The following CSNK1G2 variants were observed in gnomAD, a reference collection of about 807,000 sequenced individuals.
The protein encoded by CSNK1G2 is casein kinase I isoform gamma-2.
In CSNK1G2, 11 loss-of-function variants were observed where a neutral mutation model predicts 48.0. That is an observed-to-expected ratio of 0.23 (90% CI 0.14 to 0.38). CSNK1G2 has a LOEUF of 0.38. Among genes scored for constraint, CSNK1G2 ranks in the 10% least tolerant of loss-of-function variants. The pLI, the probability that CSNK1G2 is intolerant of heterozygous loss-of-function variation, is 1.00. For synonymous variants in CSNK1G2, 337 were observed against 254.1 expected, an observed-to-expected ratio of 1.33 and a Z score of -3.10; for missense variants, 446 against 595.5, an observed-to-expected ratio of 0.75 and a Z score of 2.61.
At chr19:1,955,765 G>A (rs985948583) in intron 1 of CSNK1G2, among the ~76,000 whole-genome samples, 7 of 152,184 alleles carry the variant, frequency 4.6e-5, no homozygotes, top group Admixed American at 4.6e-4. Flanking sequence ...GCTGCTGCTC[G>A]GCTCCGGGCT....
chr19:1,979,596 A>C lies in CSNK1G2; in HGVS notation c.955A>C (p.Ser319Arg). ...GCTCTTCACCGACCTCTTCGACCGC[A>C]GTGGCTTCGTGTTCGACTATGAGTA... ...RKLFTDLFDR[S>R]GFVFDYEYDW... The change falls in exon 9 of 12, where the codon AGT becomes CGT. Residue 319 changes from serine to arginine, a missense_variant. By Grantham distance (110) the Ser-to-Arg change is moderately radical (BLOSUM62 -1). Transcript: ENST00000255641. 1.2e-6 allele frequency: 2 copies of C among 1,607,284 alleles called. No homozygotes were observed. Among genetic ancestry groups the C allele is most frequent in the Non-Finnish European group, 1.7e-6 (2 of 1,179,896 alleles).
chr19:1,979,562 C>T lies in CSNK1G2; in HGVS notation c.921C>T (p.Tyr307=). 3.7e-6 allele frequency: 6 copies of T among 1,609,078 alleles called. No homozygotes were observed. Among genetic ancestry groups the T allele is most frequent in the African/African-American group, 1.3e-5 (1 of 74,942 alleles). ...LDFFEKPDYD[Y]LRKLFTDLFD... ...TCTTCGAGAAGCCCGACTATGACTACCTGCGGAAGCTCTTCACCGACCTCT... is the reference window on the plus strand; with the variant it reads ...TCTTCGAGAAGCCCGACTATGACTATCTGCGGAAGCTCTTCACCGACCTCT... Residue 307 remains tyrosine, a synonymous_variant, in exon 9 of 12, where the codon TAC becomes TAT. Coordinates refer to ENST00000255641, the MANE Select transcript of CSNK1G2 (RefSeq NM_001319.7).
rs980384682 is a variant in CSNK1G2, at chr19:1,964,431, A to G, written c.-265-5077A>G. 1.3e-5 allele frequency among the ~76,000 whole-genome samples: 2 copies of G among 152,114 alleles called. 1 individual carries two copies. Among genetic ancestry groups the G allele is most frequent in the Middle Eastern group, 6.3e-3 (2 of 316 alleles). On this transcript the variant is annotated intron_variant, in intron 1 of 11. Transcript: ENST00000255641. ...CAGGGTAGAAGAAACAGCCTTCTGG[A>G]AGAAGATGCCACCCAGGACTTTCCT...
chr19:1,970,065 C>G, intron 2 of CSNK1G2, 106 bp downstream of exon 2: 1 of 913,344 alleles, frequency 1.1e-6, no homozygotes, highest in Non-Finnish European at 1.4e-6. Flanking sequence ...GAGCCTCTGG[C>G]GGGGCCGCCC....
At chr19:1,948,398 C>T (rs1429345359) in intron 1 of CSNK1G2, among the ~76,000 whole-genome samples, 1 of 152,106 alleles carries the variant, frequency 6.6e-6, no homozygotes, top group Non-Finnish European at 1.5e-5. Flanking sequence ...TGGCAGGCGC[C>T]TGTACTCCCA....
intron 1 of CSNK1G2, among the ~76,000 whole-genome samples, chr19:1,962,245 T>G (rs1471744372): frequency 7.0e-6 from 1 of 143,760 alleles, no homozygotes. Context: ...GGCAGAGAAC[T>G]GCACGAACCT....
chr19:1,978,368 C>A lies in CSNK1G2; in HGVS notation c.228+23C>A. On this transcript the variant is annotated intron_variant, in intron 3 of 11. Transcript: ENST00000255641. The surrounding 1 kb of genome is among the most constrained non-coding windows in gnomAD (Gnocchi z 7.3). Reference sequence around the variant, plus strand: ...TTGGTGAGTCGGCCCCTCCACCCCACCCCCGCTGACGTGCCCCCCAGGGAT... The same window carrying A: ...TTGGTGAGTCGGCCCCTCCACCCCAACCCCGCTGACGTGCCCCCCAGGGAT... The A allele has an allele frequency of 6.2e-7, 1 of 1,612,604 alleles. No individual in the cohort carries two copies.
Position 1,979,194 on chromosome 19 carries a change from G to C in CSNK1G2, c.714G>C (p.Leu238=). Residue 238 remains leucine (L), a synonymous_variant, in exon 7 of 12, where the codon CTG becomes CTC. Transcript: ENST00000255641. ...GCCGCCGCGACGACCTGGAGGCGCT[G>C]GGCCACATGTTCATGTACTTCCTGC... ...EQSRRDDLEA[L]GHMFMYFLRG... is the part of the protein sequence containing the mutation. 1 of 1,540,790 alleles carries C rather than the reference G, an allele frequency of 6.5e-7. No homozygotes were observed. The highest frequency in any genetic ancestry group is 8.8e-7 in the Non-Finnish European group (1 of 1,141,190).
rs751497102 is a variant in CSNK1G2 at position 1,978,339 on chromosome 19, C to T, written c.222C>T (p.Ile74=). ...TCTATACAAATGAATACGTGGCTAT[C>T]AAATTGGTGAGTCGGCCCCTCCACC... ...KNLYTNEYVA[I]KLEPIKSRAP... is the part of the protein sequence containing the mutation. Residue 74 remains isoleucine (I), a synonymous_variant, in exon 3 of 12, where the codon ATC becomes ATT. Transcript: ENST00000255641. The surrounding 1 kb of genome is among the most constrained non-coding windows in gnomAD (Gnocchi z 7.3). The T allele has an allele frequency of 2.5e-6, 4 of 1,613,408 alleles. No homozygotes were observed. The Admixed American group carries it at 5.0e-5, about 20-fold the overall frequency.
In CSNK1G2 at chr19:1,957,792, T is replaced by G. The variant is rs754661093; in HGVS notation, c.-265-11716T>G. On this transcript the variant is annotated intron_variant, in intron 1 of 11. Transcript: ENST00000255641. This position sits in a 1 kb window ranked among gnomAD's most constrained non-coding sequence, Gnocchi z 5.4. ...GTGTGTGCTCGGTGGGTGCCGTGTG[T>G]GGGGGGTATGTGCTCGGCGGGCGCC... Among the ~76,000 whole-genome samples, 1 of 131,892 alleles carries G rather than the reference T, an allele frequency of 7.6e-6. No homozygotes were observed. The highest frequency in any genetic ancestry group is 1.7e-5 in the Non-Finnish European group (1 of 59,360). 86.5% of individuals were successfully genotyped at this position (131,892 alleles called of 152,430 possible). A position where few individuals can be genotyped will look rare whatever the true frequency, so the allele number is the denominator to read the frequency against.
At chr19:1,953,693 G>T in intron 1 of CSNK1G2, 1 of 383,364 alleles carries the variant, frequency 2.6e-6, no homozygotes, top group Non-Finnish European at 5.3e-6. Context: ...CCTGTGGGAC[G>T]GGGTCCCTGC....
At chr19:1,970,240 G>T (rs1568198605) in intron 2 of CSNK1G2, among the ~76,000 whole-genome samples, 1 of 152,266 alleles carries the variant, frequency 6.6e-6, no homozygotes, top group Non-Finnish European at 1.5e-5. Flanking sequence ...CACGCCGCAA[G>T]GAGCCCGATG....
chr19:1,980,503 A>G lies in CSNK1G2; in HGVS notation c.*300A>G, dbSNP rs1201180198. ...AAAAAACAGAGGCCCGCCCTACCCCACTCCTGCCCCTCCGTTTCTTTGCTG... is the reference window on the plus strand; with the variant it reads ...AAAAAACAGAGGCCCGCCCTACCCCGCTCCTGCCCCTCCGTTTCTTTGCTG... On this transcript the variant is annotated 3_prime_UTR_variant, in exon 12 of 12. Transcript: ENST00000255641. 1.2e-5 allele frequency: 5 copies of G among 418,342 alleles called. No individual in the cohort carries two copies. In the Admixed American group the frequency reaches 1.3e-4, roughly 11 times the overall value. 25.9% of individuals were successfully genotyped at this position (418,342 alleles called of 1,614,324 possible).
intron 1 of CSNK1G2, among the ~76,000 whole-genome samples, chr19:1,945,416 GC>G (rs1279177052): frequency 1.3e-5 from 2 of 152,188 alleles, no homozygotes; most frequent in Admixed American, 1.3e-4. Flanking sequence ...GCAGCCCCCT[GC>G]CAGCCCTGCC....
chr19:1,953,578 G>A (rs1263134004), intron 1 of CSNK1G2: 1 of 480,372 alleles, frequency 2.1e-6, no homozygotes, highest in Non-Finnish European at 4.3e-6. Flanking sequence ...GCTGCCGGTG[G>A]TGTTTGCCTT....
At chr19:1,945,517 T>A (rs1034129096) in intron 1 of CSNK1G2, among the ~76,000 whole-genome samples, 1 of 152,144 alleles carries the variant, frequency 6.6e-6, no homozygotes, top group African/African-American at 2.4e-5. Flanking sequence ...TCGCGTGACA[T>A]CATGTTGAAA....
chr19:1,955,495 G>A (rs891870894), intron 1 of CSNK1G2, among the ~76,000 whole-genome samples: 7 of 147,348 alleles, frequency 4.8e-5, no homozygotes, highest in African/African-American at 1.9e-4. Context: ...GCGAGGCTCC[G>A]CGGGGTGGGC....
chr19:1,975,272 C>G lies in CSNK1G2; in HGVS notation c.188-3033C>G, dbSNP rs774934755. On this transcript the variant is annotated intron_variant, in intron 2 of 11. Transcript: ENST00000255641. Reference sequence around the variant, plus strand: ...AGGGAGCCACAGCTGGATGATACATCGACAGACAGCAGAGGGACGGTGTAG... The same window carrying G: ...AGGGAGCCACAGCTGGATGATACATGGACAGACAGCAGAGGGACGGTGTAG... 7 of 985,350 alleles carry G rather than the reference C, an allele frequency of 7.1e-6. No individual in the cohort carries two copies. In the South Asian group the frequency reaches 3.3e-4, roughly 46 times the overall value. The allele number at this position is 985,350 out of a possible 1,614,324, so 61.0% of individuals were successfully genotyped here. A position where few individuals can be genotyped will look rare whatever the true frequency, so the allele number is the denominator to read the frequency against.
At chr19:1,962,721 G>A (rs558704141) in intron 1 of CSNK1G2, among the ~76,000 whole-genome samples, 104 of 152,156 alleles carry the variant, frequency 6.8e-4, no homozygotes, top group African/African-American at 2.2e-3. Context: ...TCAGACCCCC[G>A]GGAGCGGCAG....
Sources: allele counts gnomAD v4.1 joint callset (sites outside exome capture counted in the v4.1 genomes callset), GRCh38; gene constraint gnomAD v4.1.1; non-coding constraint Gnocchi (gnomAD v3.1); transcripts MANE v1.5; gene names NCBI Gene and HGNC (gene_info 2026-07-23, HGNC 2026-07-21).